TTC23: variants seen among roughly 807,000 people sequenced by gnomAD.
The protein encoded by TTC23 is tetratricopeptide repeat protein 23.
A neutral mutation model predicts 55.1 loss-of-function variants in TTC23; 58 were observed. The ratio of observed to expected loss-of-function variants is 1.05; its 90% CI spans 0.85 to 1.31. The LOEUF is 1.31. TTC23 is among the 50% of genes most tolerant of loss of function. The pLI, the probability that TTC23 is intolerant of heterozygous loss-of-function variation, is 0.00. For missense variants in TTC23, 516 were observed against 534.4 expected (o/e 0.97, Z 0.34); for synonymous variants, 203 against 199.9 (o/e 1.02, Z -0.13).
chr15:99,192,654 G>C (rs902880164), intron 9 of TTC23, among the ~76,000 whole-genome samples: 4 of 152,234 alleles, frequency 2.6e-5, no homozygotes, highest in Non-Finnish European at 4.4e-5. Flanking sequence ...TCCTCATGAA[G>C]AACTTCTGCT....
At chr15:99,177,079 G>A (rs565743678) in intron 9 of TTC23, among the ~76,000 whole-genome samples, 41 of 152,264 alleles carry the variant, frequency 2.7e-4, no homozygotes, top group Middle Eastern at 3.4e-3. Flanking sequence ...ATGACCAGCC[G>A]AATGCATTTC....
chr15:99,233,833 A>G (rs1377601874), intron 4 of TTC23, among the ~76,000 whole-genome samples: 1 of 152,248 alleles, frequency 6.6e-6, no homozygotes, highest in Non-Finnish European at 1.5e-5. Flanking sequence ...GCTGTTAAGT[A>G]GACAAGCAAT....
intron 5 of TTC23, among the ~76,000 whole-genome samples, chr15:99,224,969 A>G (rs2078269125): frequency 6.6e-6 from 1 of 152,172 alleles, no homozygotes. Context: ...GGGAATGACT[A>G]CTTTGGAGAG....
chr15:99,233,367 A>G (rs1400565608), intron 4 of TTC23, among the ~76,000 whole-genome samples: 2 of 152,238 alleles, frequency 1.3e-5, no homozygotes, highest in African/African-American at 2.4e-5. Flanking sequence ...AGATTCTACA[A>G]ATACTAAAAG....
intron 10 of TTC23, among the ~76,000 whole-genome samples, chr15:99,169,887 A>G (rs1157559042): frequency 6.6e-6 from 1 of 152,210 alleles, no homozygotes; most frequent in Non-Finnish European, 1.5e-5. Flanking sequence ...GCTGTCACTG[A>G]ACGCTGCAGA....
chr15:99,179,453 T>C (rs2073915019), intron 9 of TTC23, among the ~76,000 whole-genome samples: 1 of 152,216 alleles, frequency 6.6e-6, no homozygotes, highest in African/African-American at 2.4e-5. Flanking sequence ...GATGCATTAA[T>C]TGAGATGGTA....
intron 12 of TTC23, among the ~76,000 whole-genome samples, chr15:99,153,261 T>C (rs1555497865): frequency 6.6e-6 from 1 of 152,254 alleles, no homozygotes; most frequent in East Asian, 1.9e-4. Context: ...CTGGCTAGAC[T>C]GGGAACTCAC....
intron 9 of TTC23, among the ~76,000 whole-genome samples, chr15:99,183,148 CCACGCTG>C (rs1246601659): frequency 6.6e-6 from 1 of 152,128 alleles, no homozygotes; most frequent in African/African-American, 2.4e-5. Flanking sequence ...ACAATGAAGT[CCACGCTG>C]AGGTGGTCTC....
intron 4 of TTC23, among the ~76,000 whole-genome samples, chr15:99,231,046 A>G (rs2078891370): frequency 6.6e-6 from 1 of 152,204 alleles, no homozygotes; most frequent in Admixed American, 6.5e-5. Flanking sequence ...AAGAATTCCT[A>G]CTGGGTAGTG....
chr15:99,182,144 C>G lies in TTC23; in HGVS notation c.760-6989G>C, dbSNP rs1399877641. Among the ~76,000 whole-genome samples, 7 of 151,992 alleles carry G rather than the reference C, an allele frequency of 4.6e-5. No homozygotes were observed. In the East Asian group the frequency reaches 7.7e-4, roughly 17 times the overall value. On this transcript the variant is annotated intron_variant, in intron 9 of 13. Transcript: ENST00000394132. ...ACAATTGAAATTAAAAATACTCCTT[C>G]CCCCTTCTACCTGCCTTAACCTCTT...
intron 9 of TTC23, among the ~76,000 whole-genome samples, chr15:99,185,262 T>C (rs890321261): frequency 4.6e-5 from 7 of 152,226 alleles, no homozygotes; most frequent in Admixed American, 3.9e-4. Flanking sequence ...AATAAATTGA[T>C]TGCATATGTA....
chr15:99,150,502 CAA>C (rs2069566246), intron 12 of TTC23, among the ~76,000 whole-genome samples: 1 of 152,178 alleles, frequency 6.6e-6, no homozygotes, highest in Admixed American at 6.5e-5. Context: ...ACTTATATAA[CAA>C]GAGAGAAGAC....
rs150499033 is a variant in TTC23, at chr15:99,152,757, G to A, written c.1143+3391C>T. Among the ~76,000 whole-genome samples, 7 of 152,090 alleles carry A rather than the reference G, an allele frequency of 4.6e-5. No individual in the cohort carries two copies. In the East Asian group the frequency reaches 5.8e-4, roughly 13 times the overall value. On this transcript the variant is annotated intron_variant, in intron 12 of 13. Transcript: ENST00000394132. ...AGGGGTTAAATGAGTTAATATACAC[G>A]AATCACTTAACATGGTGCCACCGGT...
intron 4 of TTC23, among the ~76,000 whole-genome samples, chr15:99,229,422 G>A (rs150481644): frequency 6.4e-4 from 98 of 152,160 alleles, no homozygotes; most frequent in African/African-American, 2.3e-3. Flanking sequence ...CCTGAGAGAT[G>A]GAAAAAATAA....
intron 11 of TTC23, chr15:99,158,311 CAGACTT>C (rs1376955639): frequency 1.3e-5 from 2 of 152,232 alleles, no homozygotes; most frequent in African/African-American, 4.8e-5. Context: ...ATATCACTGT[CAGACTT>C]AGAGGAGCCA....
At chr15:99,233,155 T>G (rs997115503) in intron 4 of TTC23, among the ~76,000 whole-genome samples, 11 of 152,196 alleles carry the variant, frequency 7.2e-5, no homozygotes, top group African/African-American at 2.7e-4. Context: ...ATTCAAGAGA[T>G]CTATTGTATA....
At chr15:99,219,615 T>C (rs1358792232) in intron 6 of TTC23, among the ~76,000 whole-genome samples, 1 of 152,110 alleles carries the variant, frequency 6.6e-6, no homozygotes, top group Non-Finnish European at 1.5e-5. Flanking sequence ...AAGAGACTAA[T>C]ATGAAACAAA....
intron 12 of TTC23, among the ~76,000 whole-genome samples, chr15:99,151,619 T>C (rs782079967): frequency 1.3e-5 from 2 of 152,168 alleles, no homozygotes; most frequent in Non-Finnish European, 2.9e-5. Flanking sequence ...CACAAGACAA[T>C]AGATGCCCCT....
chr15:99,234,999 G>A lies in TTC23; in HGVS notation c.-32C>T, dbSNP rs1399352552. 1.3e-5 allele frequency: 2 copies of A among 151,898 alleles called. No individual in the cohort carries two copies. Among genetic ancestry groups the A allele is most frequent in the East Asian group, 2.0e-4 (1 of 5,120 alleles). The allele number at this position is 151,898 out of a possible 1,614,324, so 9.4% of individuals were successfully genotyped here. A position where few individuals can be genotyped will look rare whatever the true frequency, so the allele number is the denominator to read the frequency against. On this transcript the variant is annotated 5_prime_UTR_variant, in exon 4 of 14. Transcript: ENST00000394132. ...ATGGTGGCTCATACCTGTAATCCCA[G>A]CACTCTGGGAGGTGGAGGCGGGAGG...
Sources: gnomAD v4.1 joint callset for allele counts (sites outside exome capture counted in the v4.1 genomes callset) on GRCh38, gnomAD v4.1.1 for gene constraint, MANE v1.5 for transcripts, NCBI Gene and HGNC (gene_info 2026-07-23, HGNC 2026-07-21) for gene names.